The following DENND5B variants were observed in gnomAD, a reference collection of about 807,000 sequenced individuals.
DENND5B encodes the protein DENN domain-containing protein 5B.
DENND5B carries 34 observed loss-of-function variants against 140.6 expected under a neutral mutation model. That is an observed-to-expected ratio of 0.24 (90% CI 0.18 to 0.32). DENND5B has a LOEUF of 0.32. DENND5B is among the 10% of genes least tolerant of loss of function. The probability of loss-of-function intolerance (pLI) is 1.00; values close to 1 mark genes in which losing one functional copy is unlikely to be tolerated. For synonymous variants in DENND5B, 551 were observed against 562.1 expected (o/e 0.98, Z 0.28); for missense variants, 1,142 against 1,560.2 (o/e 0.73, Z 4.52).
chr12:31,546,157 ATATATATATGC>A (rs1948853727), intron 1 of DENND5B, among the ~76,000 whole-genome samples: 1 of 151,842 alleles, frequency 6.6e-6, no homozygotes, highest in Admixed American at 6.6e-5. Flanking sequence ...ATTAGAAACT[ATATATATATGC>A]TATATATATG....
At chr12:31,526,015 C>A (rs1948072032) in intron 1 of DENND5B, among the ~76,000 whole-genome samples, 3 of 152,088 alleles carry the variant, frequency 2.0e-5, no homozygotes, top group East Asian at 1.9e-4. Flanking sequence ...TTAAAAAATT[C>A]TATTAATACT....
chr12:31,448,045 G>T (rs66635949), intron 5 of DENND5B, among the ~76,000 whole-genome samples: 1 of 151,998 alleles, frequency 6.6e-6, no homozygotes, highest in Non-Finnish European at 1.5e-5. Flanking sequence ...AGTAACGAAA[G>T]ATGGCAGATA....
chr12:31,570,525 C>T (rs912239393), intron 1 of DENND5B, among the ~76,000 whole-genome samples: 1 of 151,194 alleles, frequency 6.6e-6, no homozygotes, highest in Non-Finnish European at 1.5e-5. Context: ...GATCCACCCG[C>T]CTCGGCCTCC....
intron 3 of DENND5B, among the ~76,000 whole-genome samples, chr12:31,472,696 C>T (rs1446598522): frequency 6.6e-6 from 1 of 152,080 alleles, no homozygotes; most frequent in African/African-American, 2.4e-5. Flanking sequence ...GCTCTATTTG[C>T]CCCAGCACAG....
intron 7 of DENND5B, among the ~76,000 whole-genome samples, chr12:31,436,596 G>C (rs1193960218): frequency 6.6e-6 from 1 of 151,508 alleles, no homozygotes; most frequent in East Asian, 1.9e-4. Context: ...GTGCAATGCC[G>C]CAATCTCAGC....
At chr12:31,558,306 CA>C (rs1949364322) in intron 1 of DENND5B, among the ~76,000 whole-genome samples, 1 of 151,962 alleles carries the variant, frequency 6.6e-6, no homozygotes, top group South Asian at 2.1e-4. Flanking sequence ...GGGCTTGGAG[CA>C]AGAGGCAATT....
chr12:31,442,704 A>G (rs535818274), intron 7 of DENND5B, 71 bp downstream of exon 7: 7 of 1,510,786 alleles, frequency 4.6e-6, no homozygotes, highest in African/African-American at 1.4e-5. Flanking sequence ...AGCATTGTCC[A>G]TTTGAGTTGC....
rs71460995 is a variant in DENND5B at position 31,587,526 on chromosome 12, CTTTTTTT to C, written c.127+3173_127+3179del. On this transcript the variant is annotated intron_variant, in intron 1 of 20. Transcript: ENST00000389082. ...CAACAACTTCTCTCACCACAAATAC[CTTTTTTT>C]TTTTTTTTTTTTTTTTTTTTTTTTT... Among the ~76,000 whole-genome samples the C allele has an allele frequency of 3.1e-3, 232 of 75,038 alleles. 9 individuals carry two copies. Among genetic ancestry groups the C allele is most frequent in the African/African-American group, 4.8e-3 (101 of 20,846 alleles). 49.2% of individuals were successfully genotyped at this position (75,038 alleles called of 152,430 possible). A position where few individuals can be genotyped will look rare whatever the true frequency, so the allele number is the denominator to read the frequency against.
At chr12:31,579,727 AAGGG>A (rs1950149082) in intron 1 of DENND5B, among the ~76,000 whole-genome samples, 4 of 29,464 alleles carry the variant, frequency 1.4e-4, no homozygotes, top group African/African-American at 2.6e-4. Context: ...AGAAAGAGGG[AAGGG>A]GAGGGGAGGG....
At chr12:31,573,354 A>G (rs1949889260) in intron 1 of DENND5B, among the ~76,000 whole-genome samples, 1 of 152,246 alleles carries the variant, frequency 6.6e-6, no homozygotes, top group Non-Finnish European at 1.5e-5. Context: ...CAGTGCTTCA[A>G]CTGTCCCTCA....
At chr12:31,399,983 T>C (rs1335930773) in intron 15 of DENND5B, among the ~76,000 whole-genome samples, 3 of 152,164 alleles carry the variant, frequency 2.0e-5, no homozygotes, top group South Asian at 2.1e-4. Context: ...GGACATTAAC[T>C]ACCAAATGAG....
intron 1 of DENND5B, among the ~76,000 whole-genome samples, chr12:31,503,758 C>T (rs772233249): frequency 9.9e-5 from 15 of 152,110 alleles, no homozygotes; most frequent in Admixed American, 2.0e-4. Context: ...TCCTCGTTTC[C>T]GGTTTTATCA....
Position 31,564,561 on chromosome 12 carries a change from C to CTATTATTATTAT in DENND5B, c.127+26133_127+26144dup, listed in dbSNP as rs3074755. The stretch of plus-strand genomic sequence containing the variant: ...CCACTACCACCCCTCTCTTTTCATT[C>CTATTATTATTAT]TATTATTATTATTATTATTATTATT... On this transcript the variant is annotated intron_variant, in intron 1 of 20. Coordinates refer to ENST00000389082, the MANE Select transcript of DENND5B (RefSeq NM_144973.4). Among the ~76,000 whole-genome samples the CTATTATTATTAT allele has an allele frequency of 4.0e-3, 546 of 136,052 alleles. 3 individuals are homozygous for CTATTATTATTAT. The highest frequency in any genetic ancestry group is 0.011 in the East Asian group (54 of 4,738). The allele number at this position is 136,052 out of a possible 152,430, so 89.3% of individuals were successfully genotyped here.
intron 2 of DENND5B, among the ~76,000 whole-genome samples, chr12:31,488,794 A>G (rs1019382262): frequency 6.6e-6 from 1 of 152,186 alleles, no homozygotes; most frequent in Non-Finnish European, 1.5e-5. Context: ...GGTATTAAAC[A>G]TTTCTAATTA....
intron 1 of DENND5B, among the ~76,000 whole-genome samples, chr12:31,538,725 C>A (rs566544145): frequency 9.9e-5 from 15 of 151,754 alleles, no homozygotes; most frequent in Non-Finnish European, 2.2e-4. Context: ...AAAAATTAGC[C>A]GGGCATGGTG....
chr12:31,536,759 A>G (rs1050689572), intron 1 of DENND5B, among the ~76,000 whole-genome samples: 4 of 152,182 alleles, frequency 2.6e-5, no homozygotes, highest in African/African-American at 9.6e-5. Context: ...GATTTAACCC[A>G]AAGAAAGCTA....
chr12:31,569,294 C>T (rs1949734704), intron 1 of DENND5B, among the ~76,000 whole-genome samples: 1 of 152,118 alleles, frequency 6.6e-6, no homozygotes, highest in Admixed American at 6.6e-5. Flanking sequence ...GTCTCGAACT[C>T]CTGAGCTCAA....
intron 1 of DENND5B, among the ~76,000 whole-genome samples, chr12:31,558,191 A>G (rs898849899): frequency 2.6e-5 from 4 of 152,222 alleles, no homozygotes; most frequent in African/African-American, 9.7e-5. Flanking sequence ...AAGACCAGAC[A>G]GTTTTATTGT....
intron 1 of DENND5B, chr12:31,500,598 G>T (rs1259354): frequency 0.8 from 221,501 of 276,750 alleles, 89,191 homozygotes; most frequent in African/African-American, 0.9. Context: ...GAGAATTACT[G>T]GAACCCAAGA....
Sources: allele counts gnomAD v4.1 joint callset (sites outside exome capture counted in the v4.1 genomes callset), GRCh38; gene constraint gnomAD v4.1.1; transcripts MANE v1.5; gene names NCBI Gene and HGNC (gene_info 2026-07-23, HGNC 2026-07-21).